DDOST: variants seen among roughly 807,000 people sequenced by gnomAD.
DDOST encodes dolichyl-diphosphooligosaccharide--protein glycosyltransferase non-catalytic subunit, also known as dolichyl-diphosphooligosaccharide--protein glycosyltransferase 48 kDa subunit.
Under a neutral mutation model 47.6 loss-of-function variants are expected in DDOST, and 25 were observed. That is an observed-to-expected ratio of 0.53 (90% CI 0.38 to 0.73). The LOEUF (loss-of-function observed/expected upper bound fraction) is 0.73. DDOST is among the 30% of genes least tolerant of loss of function. The probability of loss-of-function intolerance (pLI) is 0.00; values close to 1 mark genes in which losing one functional copy is unlikely to be tolerated. For missense variants in DDOST, 526 were observed against 573.9 expected, an observed-to-expected ratio of 0.92 and a Z score of 0.85; for synonymous variants, 275 against 236.0, an observed-to-expected ratio of 1.17 and a Z score of -1.51.
Position 20,660,987 on chromosome 1 carries a change from C to G in DDOST, c.159G>C (p.Arg53=). 2 of 1,611,570 alleles carry G rather than the reference C, an allele frequency of 1.2e-6. No homozygotes were observed. Among genetic ancestry groups the G allele is most frequent in the Non-Finnish European group, 1.7e-6 (2 of 1,177,820 alleles). The part of the protein sequence containing the change: ...HSLFFRSLKD[R]GFELTFKTAD... ...CGGTCTTGAATGTGAGCTCAAAGCCCCGGTCTGGACAAGAAAAAACAGGTA... is the reference window on the plus strand; with the variant it reads ...CGGTCTTGAATGTGAGCTCAAAGCCGCGGTCTGGACAAGAAAAAACAGGTA... Residue 53 remains arginine, a synonymous_variant, in exon 2 of 11, where the codon CGG becomes CGC. Transcript: ENST00000602624.
chr1:20,652,554 C>T (rs1245332937), intron 10 of DDOST, 26 bp from the exon 11 acceptor site: 1 of 1,613,972 alleles, frequency 6.2e-7, no homozygotes, highest in Non-Finnish European at 8.5e-7. Flanking sequence ...GGTGGCAGGA[C>T]CTGGCCACTG....
chr1:20,652,024 A>C lies in DDOST; in HGVS notation c.*355T>G. The C allele has an allele frequency of 6.0e-6, 1 of 165,948 alleles. No individual in the cohort carries two copies. 10.3% of individuals were successfully genotyped at this position (165,948 alleles called of 1,614,324 possible). A position where few individuals can be genotyped will look rare whatever the true frequency, so the allele number is the denominator to read the frequency against. On this transcript the variant is annotated 3_prime_UTR_variant, in exon 11 of 11. Coordinates refer to ENST00000602624, the MANE Select transcript of DDOST (RefSeq NM_005216.5). ...GTACTTTTAGTAGAGACAGGGTTTTACCGTGTTAGCCAGGATAGTCTCGAT... is the reference window on the plus strand; with the variant it reads ...GTACTTTTAGTAGAGACAGGGTTTTCCCGTGTTAGCCAGGATAGTCTCGAT...
chr1:20,654,522 C>G (rs992638177), intron 6 of DDOST, 92 bp downstream of exon 6: 1 of 1,388,858 alleles, frequency 7.2e-7, no homozygotes, highest in African/African-American at 1.4e-5. Flanking sequence ...GCCCATGCCC[C>G]ACCCCACCAA....
Position 20,652,651 on chromosome 1 carries a change from T to C in DDOST, c.1140A>G (p.Leu380=). The C allele has an allele frequency of 6.2e-7, 1 of 1,614,216 alleles. No homozygotes were observed. The highest frequency in any genetic ancestry group is 1.1e-5 in the South Asian group (1 of 91,086). The part of the protein sequence containing the change: ...VFQFKVDYNR[L]GYTHLYSSTQ... ...TGGAAGAGTACAGGTGTGTGTAGCC[T>C]AGCCGGTTGTAATCCACTTTAAACT... The change falls in exon 10 of 11, where the codon CTA becomes CTG. Residue 380 remains leucine, a synonymous_variant. Coordinates refer to ENST00000602624, the MANE Select transcript of DDOST (RefSeq NM_005216.5).
In DDOST at chr1:20,652,201, C is replaced by CTTCT. The variant is rs1399026432; in HGVS notation, c.*174_*177dup. ...CTTTTAGCAATTCAAAGTGGAAAAA[C>CTTCT]TTCTTTTATATAAAAATTATCCCAA... is the stretch of plus-strand genomic sequence containing the variant. On this transcript the variant is annotated 3_prime_UTR_variant, in exon 11 of 11. Coordinates refer to ENST00000602624, the MANE Select transcript of DDOST (RefSeq NM_005216.5). 1.7e-4 allele frequency: 96 copies of CTTCT among 581,498 alleles called. No individual in the cohort carries two copies. Among genetic ancestry groups the CTTCT allele is most frequent in the Admixed American group, 7.4e-5 (2 of 27,074 alleles). 36.0% of individuals were successfully genotyped at this position (581,498 alleles called of 1,614,324 possible). A position where few individuals can be genotyped will look rare whatever the true frequency, so the allele number is the denominator to read the frequency against.
rs2053427789 is a variant in DDOST at position 20,660,958 on chromosome 1, T to G, written c.188A>C (p.Asp63Ala). The change falls in exon 2 of 11, where the codon GAT becomes GCT. Residue 63 changes from aspartate (D) to alanine (A), a missense_variant. Physicochemically the swap from Asp to Ala is moderately radical, Grantham distance 126 (BLOSUM62 -2). Coordinates refer to ENST00000602624, the MANE Select transcript of DDOST (RefSeq NM_005216.5). ...RGFELTFKTA[D>A]DPSLSLIKYG... ...CTTTATGAGAGACAGGCTGGGGTCA[T>G]CAGCGGTCTTGAATGTGAGCTCAAA... The G allele has an allele frequency of 1.9e-6, 3 of 1,613,806 alleles. No homozygotes were observed. In the Admixed American group the frequency reaches 5.0e-5, roughly 27 times the overall value.
chr1:20,660,909 A>C lies in DDOST; in HGVS notation c.237T>G (p.Asn79Lys), dbSNP rs2053426980. 6.2e-7 allele frequency: 1 copy of C among 1,612,374 alleles called. No individual in the cohort carries two copies. Among genetic ancestry groups the C allele is most frequent in the South Asian group, 1.1e-5 (1 of 91,034 alleles). ...LIKYGEFLYD[N>K]LIIFSPSVED... ...CTACCGAAGGGGAGAAAATGATGAG[A>C]TTGTCATAGAGGAATTCCCCATACT... is the stretch of plus-strand genomic sequence containing the variant. The change falls in exon 2 of 11, where the codon AAT (asparagine) becomes AAG (lysine). Residue 79 changes from asparagine to lysine, a missense_variant. Coordinates refer to ENST00000602624, the MANE Select transcript of DDOST (RefSeq NM_005216.5).
chr1:20,656,131 T>C lies in DDOST; in HGVS notation c.322A>G (p.Ser108Gly), dbSNP rs2053369875. The C allele has an allele frequency of 6.2e-7, 1 of 1,614,072 alleles. No homozygotes were observed. The highest frequency in any genetic ancestry group is 2.2e-5 in the East Asian group (1 of 44,896). The change falls in exon 3 of 11, where the codon AGT becomes GGT. Residue 108 changes from serine to glycine, a missense_variant. Coordinates refer to ENST00000602624, the MANE Select transcript of DDOST (RefSeq NM_005216.5). The stretch of plus-strand genomic sequence containing the variant: ...TCGGAGCTGGCAGCTACCAGCACAC[T>C]GCCTCCGCCGTCAATAAAGGCACTG... ...TISAFIDGGG[S>G]VLVAASSDIG...
At position 20,657,175 on chromosome 1, in the gene DDOST, T is replaced by A. The variant is rs78546963; in HGVS notation, c.266-988A>T. Reference sequence around the variant, plus strand: ...AAGTCCCCGAGGGGGGTGGGCACGGTCACCAGCAAGGGGCCCAGTGTGGCT... The same window carrying A: ...AAGTCCCCGAGGGGGGTGGGCACGGACACCAGCAAGGGGCCCAGTGTGGCT... On this transcript the variant is annotated intron_variant, in intron 2 of 10. Transcript: ENST00000602624. 9.0e-3 allele frequency among the ~76,000 whole-genome samples: 1,368 copies of A among 152,226 alleles called. 21 individuals carry two copies. Among genetic ancestry groups the A allele is most frequent in the African/African-American group, 0.031 (1,303 of 41,536 alleles).
rs574769656 is a variant in DDOST, at chr1:20,654,497, G to A, written c.645+117C>T. ...GGCCCTACCTGAAGGGGGAGCCTGAGACCACACCGCTTCTGCCCATGCCCC... is the reference window on the plus strand; with the variant it reads ...GGCCCTACCTGAAGGGGGAGCCTGAAACCACACCGCTTCTGCCCATGCCCC... On this transcript the variant is annotated intron_variant, in intron 6 of 10. Coordinates refer to ENST00000602624, the MANE Select transcript of DDOST (RefSeq NM_005216.5). 12 of 1,387,980 alleles carry A rather than the reference G, an allele frequency of 8.6e-6. No homozygotes were observed. The South Asian group carries it at 1.5e-4, about 18-fold the overall frequency. 86.0% of individuals were successfully genotyped at this position (1,387,980 alleles called of 1,614,324 possible). A position where few individuals can be genotyped will look rare whatever the true frequency, so the allele number is the denominator to read the frequency against.
rs58496267 is a variant in DDOST at position 20,659,389 on chromosome 1, C to G, written c.265+1492G>C. Among the ~76,000 whole-genome samples, 1,273 of 152,282 alleles carry G rather than the reference C, an allele frequency of 8.4e-3. 18 individuals are homozygous for G. The highest frequency in any genetic ancestry group is 0.032 in the South Asian group (153 of 4,826). On this transcript the variant is annotated intron_variant, in intron 2 of 10. Transcript: ENST00000602624. ...TTTCCTTCTGACCTATACAAGCTGA[C>G]AGTGCCTCCGCTTCATCTTACATCC...
intron 2 of DDOST, among the ~76,000 whole-genome samples, chr1:20,658,414 C>T (rs1307680759): frequency 6.6e-6 from 1 of 152,254 alleles, no homozygotes; most frequent in African/African-American, 2.4e-5. Flanking sequence ...CCGAACCCTG[C>T]CCTGCAGCTT....
intron 2 of DDOST, among the ~76,000 whole-genome samples, chr1:20,659,776 A>T (rs1053049838): frequency 4.6e-5 from 7 of 152,128 alleles, no homozygotes; most frequent in Non-Finnish European, 8.8e-5. Context: ...AACTACAGAG[A>T]ATAAAGAAGC....
At position 20,660,903 on chromosome 1, in the gene DDOST, G is replaced by A. The variant is rs1389983967; in HGVS notation, c.243C>T (p.Ile81=). Residue 81 remains isoleucine (I), a synonymous_variant, in exon 2 of 11, where the codon ATC becomes ATT. Coordinates refer to ENST00000602624, the MANE Select transcript of DDOST (RefSeq NM_005216.5). ...KYGEFLYDNL[I]IFSPSVEDFG... ...TACCTTCTACCGAAGGGGAGAAAAT[G>A]ATGAGATTGTCATAGAGGAATTCCC... The A allele has an allele frequency of 9.9e-6, 16 of 1,610,824 alleles. No individual in the cohort carries two copies. The highest frequency in any genetic ancestry group is 1.4e-5 in the Non-Finnish European group (16 of 1,177,020).
At position 20,661,210 on chromosome 1, in the gene DDOST, G is replaced by A. The variant is rs1435826629; in HGVS notation, c.141C>T (p.Phe47=). 1.2e-6 allele frequency: 2 copies of A among 1,613,792 alleles called. No homozygotes were observed. Among genetic ancestry groups the A allele is most frequent in the African/African-American group, 2.7e-5 (2 of 74,926 alleles). The part of the protein sequence containing the change: ...LNVRETHSLF[F]RSLKDRGFEL... ...CCCCGCTCTCACCCTTCAGGCTCCG[G>A]AAGAAAAGCGAATGAGTCTCCCGCA... The change falls in exon 1 of 11, where the codon TTC becomes TTT. Residue 47 remains phenylalanine, a synonymous_variant. Coordinates refer to ENST00000602624, the MANE Select transcript of DDOST (RefSeq NM_005216.5).
chr1:20,661,111 G>A (rs2053429678), intron 1 of DDOST, 86 bp downstream of exon 1: 4 of 1,521,104 alleles, frequency 2.6e-6, no homozygotes, highest in East Asian at 2.3e-5. Flanking sequence ...CTCCAGGAAA[G>A]GGAGAGGGAA....
intron 2 of DDOST, 185 bp downstream of exon 2, chr1:20,660,696 C>G (rs1429648602): frequency 3.7e-6 from 2 of 541,588 alleles, no homozygotes; most frequent in Non-Finnish European, 3.3e-6. Context: ...TTAGCTGTTT[C>G]TTTTAGAAAG....
At chr1:20,656,261 C>T in intron 2 of DDOST, 74 bp from the exon 3 acceptor site, 2 of 1,212,438 alleles carry the variant, frequency 1.6e-6, no homozygotes, top group Non-Finnish European at 2.4e-6. Flanking sequence ...AGGGAGGGGA[C>T]ATGAAGGGCA....
At chr1:20,655,162 CTTTTT>C (rs757852250) in intron 5 of DDOST, among the ~76,000 whole-genome samples, 1 of 86,904 alleles carries the variant, frequency 1.2e-5, no homozygotes. Flanking sequence ...GCTCGGCCAA[CTTTTT>C]TTTGTTTTTT....
Sources: allele counts gnomAD v4.1 joint callset (sites outside exome capture counted in the v4.1 genomes callset), GRCh38; gene constraint gnomAD v4.1.1; transcripts MANE v1.5; gene names NCBI Gene and HGNC (gene_info 2026-07-23, HGNC 2026-07-21).